The following CNTN1 variants were observed in gnomAD, a reference collection of about 807,000 sequenced individuals.
CNTN1 encodes contactin-1.
In CNTN1, 38 loss-of-function variants were observed where a neutral mutation model predicts 126.4. The ratio of observed to expected loss-of-function variants is 0.30; its 90% CI spans 0.23 to 0.39. The LOEUF is 0.39. Among genes scored for constraint, CNTN1 ranks in the 10% least tolerant of loss-of-function variants. The pLI is 1.00. For missense variants in CNTN1, 1,009 were observed against 1,248.4 expected (o/e 0.81, Z 2.89); for synonymous variants, 413 against 422.6 (o/e 0.98, Z 0.28).
rs147463904 is a variant in CNTN1, at chr12:40,744,212, A to G, written c.-77+51620A>G. ...GACTTAATACCTAGGCGATGGGTTG[A>G]TAGGTGCAGCAAACCACCATGACAC... On this transcript the variant is annotated intron_variant, in intron 1 of 23. Coordinates refer to ENST00000551295, the MANE Select transcript of CNTN1 (RefSeq NM_001843.4). 2.8e-3 allele frequency among the ~76,000 whole-genome samples: 426 copies of G among 152,196 alleles called. 2 individuals are homozygous for G. The highest frequency in any genetic ancestry group is 9.6e-3 in the African/African-American group (400 of 41,536).
chr12:40,836,571 A>G (rs549706994), intron 1 of CNTN1, among the ~76,000 whole-genome samples: 118 of 152,296 alleles, frequency 7.7e-4, no homozygotes, highest in African/African-American at 2.3e-3. Flanking sequence ...GGTACACAGT[A>G]TGTACAATAA....
chr12:40,816,102 T>G (rs1941246375), intron 1 of CNTN1, among the ~76,000 whole-genome samples: 1 of 152,232 alleles, frequency 6.6e-6, no homozygotes, highest in Admixed American at 6.5e-5. Context: ...GATACTGGCC[T>G]GACATTTTCT....
intron 1 of CNTN1, among the ~76,000 whole-genome samples, chr12:40,856,831 T>C (rs1287143446): frequency 6.6e-6 from 1 of 151,976 alleles, no homozygotes; most frequent in Non-Finnish European, 1.5e-5. Context: ...AACTTGAGAA[T>C]GCATAGTTCC....
chr12:40,860,312 C>T (rs1391320279), intron 1 of CNTN1, among the ~76,000 whole-genome samples: 1 of 152,132 alleles, frequency 6.6e-6, no homozygotes, highest in Non-Finnish European at 1.5e-5. Flanking sequence ...AGGTCTGGTG[C>T]AATATGTGTG....
Position 40,855,283 on chromosome 12 carries a change from A to G in CNTN1, c.-76-53074A>G, listed in dbSNP as rs1171729569. Among the ~76,000 whole-genome samples the G allele has an allele frequency of 5.9e-5, 9 of 152,156 alleles. 1 individual carries two copies. The highest frequency in any genetic ancestry group is 5.9e-4 in the Admixed American group (9 of 15,262). On this transcript the variant is annotated intron_variant, in intron 1 of 23. Transcript: ENST00000551295. ...ATAAGTTTAAACCGTTGCAAAATGTAATTTTCAGCATATTGTAAATTTTGC... is the reference window on the plus strand; with the variant it reads ...ATAAGTTTAAACCGTTGCAAAATGTGATTTTCAGCATATTGTAAATTTTGC...
intron 18 of CNTN1, among the ~76,000 whole-genome samples, chr12:41,015,967 G>A (rs1354179590): frequency 6.6e-6 from 1 of 152,156 alleles, no homozygotes. Context: ...CTACAAATGA[G>A]TGCAATATTG....
At chr12:41,016,959 A>C (rs757891987) in intron 19 of CNTN1, 43 bp downstream of exon 19, 10 of 1,511,810 alleles carry the variant, frequency 6.6e-6, no homozygotes, top group Non-Finnish European at 9.2e-6. Flanking sequence ...GGGAGGAAAA[A>C]CGTATTTCTC....
At chr12:40,841,784 ATAAAGGCCG>A (rs1942294067) in intron 1 of CNTN1, among the ~76,000 whole-genome samples, 1 of 152,078 alleles carries the variant, frequency 6.6e-6, no homozygotes, top group African/African-American at 2.4e-5. Context: ...CCTCAACATA[ATAAAGGCCG>A]TATAGGACAA....
At chr12:40,804,426 T>A (rs945295099) in intron 1 of CNTN1, among the ~76,000 whole-genome samples, 1 of 152,054 alleles carries the variant, frequency 6.6e-6, no homozygotes, top group Non-Finnish European at 1.5e-5. Context: ...GTTGTTGTTT[T>A]GAAAACCCTT....
intron 1 of CNTN1, among the ~76,000 whole-genome samples, chr12:40,797,263 A>G (rs1468632217): frequency 2.6e-5 from 4 of 152,136 alleles, no homozygotes; most frequent in Non-Finnish European, 5.9e-5. Context: ...TAGAAAAAGT[A>G]TGGATATTGT....
chr12:40,774,872 G>T (rs1268154504), intron 1 of CNTN1, among the ~76,000 whole-genome samples: 2 of 150,956 alleles, frequency 1.3e-5, no homozygotes, highest in South Asian at 2.1e-4. Flanking sequence ...TATTAGTATG[G>T]TTAAATAATA....
At chr12:40,996,897 A>G (rs1173618559) in intron 17 of CNTN1, among the ~76,000 whole-genome samples, 4 of 152,140 alleles carry the variant, frequency 2.6e-5, no homozygotes, top group Non-Finnish European at 5.9e-5. Flanking sequence ...CATTATAACA[A>G]CTCTCTAAGA....
chr12:40,958,993 TA>T (rs1947003419), intron 14 of CNTN1, 120 bp from the exon 15 acceptor site: 3 of 1,189,370 alleles, frequency 2.5e-6, no homozygotes, highest in South Asian at 2.6e-5. Flanking sequence ...TTAGCATGTC[TA>T]AAACACATTC....
Position 40,900,791 on chromosome 12 carries a change from C to A in CNTN1, c.-76-7566C>A, listed in dbSNP as rs140145167. Among the ~76,000 whole-genome samples the A allele has an allele frequency of 4.7e-3, 712 of 152,156 alleles. 6 individuals carry two copies. Among genetic ancestry groups the A allele is most frequent in the African/African-American group, 0.013 (533 of 41,504 alleles). ...TAAGAATCAGTTTATTACTCAAGGGCAAAGCTATATTTTAGGTTTGGCAAA... is the reference window on the plus strand; with the variant it reads ...TAAGAATCAGTTTATTACTCAAGGGAAAAGCTATATTTTAGGTTTGGCAAA... On this transcript the variant is annotated intron_variant, in intron 1 of 23. Transcript: ENST00000551295.
rs34686634 is a variant in CNTN1 at position 40,939,589 on chromosome 12, AT to A, written c.1379+114del. On this transcript the variant is annotated intron_variant, in intron 12 of 23. Coordinates refer to ENST00000551295, the MANE Select transcript of CNTN1 (RefSeq NM_001843.4). ...ATAATGAAAATGTTTTTTGCTCTGAATTTTTTTTTTCACAGAAGATCCTGTA... is the reference window on the plus strand; with the variant it reads ...ATAATGAAAATGTTTTTTGCTCTGAATTTTTTTTTCACAGAAGATCCTGTA... 0.15 allele frequency: 191,947 copies of A among 1,244,974 alleles called. 15,305 individuals are homozygous for A. Among genetic ancestry groups the A allele is most frequent in the Middle Eastern group, 0.2 (946 of 4,762 alleles). 77.1% of individuals were successfully genotyped at this position (1,244,974 alleles called of 1,614,324 possible). A position where few individuals can be genotyped will look rare whatever the true frequency, so the allele number is the denominator to read the frequency against.
At chr12:41,052,010 TAGC>T (rs1566223670) in intron 23 of CNTN1, among the ~76,000 whole-genome samples, 1 of 151,490 alleles carries the variant, frequency 6.6e-6, no homozygotes, top group African/African-American at 2.4e-5. Flanking sequence ...ATGTATTAAA[TAGC>T]AGACTCACTC....
At chr12:41,039,876 T>C (rs996843287) in intron 23 of CNTN1, among the ~76,000 whole-genome samples, 1 of 152,136 alleles carries the variant, frequency 6.6e-6, no homozygotes, top group African/African-American at 2.4e-5. Flanking sequence ...TATTATATAT[T>C]ATGAATATTA....
intron 1 of CNTN1, among the ~76,000 whole-genome samples, chr12:40,713,118 C>G (rs1358568997): frequency 6.6e-6 from 1 of 152,078 alleles, no homozygotes; most frequent in Non-Finnish European, 1.5e-5. Flanking sequence ...AGCTTCTGCT[C>G]CTGCTCAGGA....
intron 1 of CNTN1, among the ~76,000 whole-genome samples, chr12:40,887,429 G>A (rs973799751): frequency 2.2e-4 from 33 of 152,128 alleles, no homozygotes; most frequent in Non-Finnish European, 8.8e-5. Context: ...GTCGTCACTG[G>A]CCATCAGAGA....
Sources: gnomAD v4.1 joint callset for allele counts (sites outside exome capture counted in the v4.1 genomes callset) on GRCh38, gnomAD v4.1.1 for gene constraint, MANE v1.5 for transcripts, NCBI Gene and HGNC (gene_info 2026-07-23, HGNC 2026-07-21) for gene names.